Variants in UNC13C observed in about 807,000 individuals in gnomAD.
UNC13C encodes unc-13 homolog C.
In UNC13C, 174 loss-of-function variants were observed where a neutral mutation model predicts 245.4. That is an observed-to-expected ratio of 0.71 (90% CI 0.63 to 0.80). The LOEUF (loss-of-function observed/expected upper bound fraction) is 0.80, where lower values mean the gene tolerates loss of function less well. Among genes scored for constraint, UNC13C ranks in the 30% least tolerant of loss-of-function variants. UNC13C has a pLI of 0.00. For synonymous variants in UNC13C, 992 were observed against 895.1 expected, an observed-to-expected ratio of 1.11 and a Z score of -1.93; for missense variants, 2,829 against 2,602.9, an observed-to-expected ratio of 1.09 and a Z score of -1.89.
At chr15:54,063,650 C>A (rs1451321473) in intron 2 of UNC13C, among the ~76,000 whole-genome samples, 1 of 152,104 alleles carries the variant, frequency 6.6e-6, no homozygotes, top group Non-Finnish European at 1.5e-5. Context: ...AAGATTCTGT[C>A]TTGAATGAAT....
chr15:53,875,376 A>C, the UNC13C span, among the ~76,000 whole-genome samples: 1 of 152,080 alleles, frequency 6.6e-6, no homozygotes, highest in African/African-American at 2.4e-5. Flanking sequence ...GTTGTTGGGT[A>C]TGTTCTGCCT....
At chr15:53,877,952 C>A in the UNC13C span, among the ~76,000 whole-genome samples, 1 of 152,102 alleles carries the variant, frequency 6.6e-6, no homozygotes, top group East Asian at 1.9e-4. Context: ...TTGTTTGTTT[C>A]ATTTATATGT....
At chr15:54,571,009 C>A (rs1897730647) in intron 30 of UNC13C, among the ~76,000 whole-genome samples, 1 of 152,188 alleles carries the variant, frequency 6.6e-6, no homozygotes, top group Non-Finnish European at 1.5e-5. Context: ...TTGGGTTCCA[C>A]CCTTTGTATT....
At chr15:54,072,836 G>A (rs922457374) in intron 2 of UNC13C, among the ~76,000 whole-genome samples, 2 of 151,956 alleles carry the variant, frequency 1.3e-5, no homozygotes, top group Non-Finnish European at 2.9e-5. Flanking sequence ...CCTTGACGTT[G>A]CCAACAATTC....
chr15:54,137,754 T>C (rs2031810481), intron 2 of UNC13C, among the ~76,000 whole-genome samples: 1 of 152,136 alleles, frequency 6.6e-6, no homozygotes, highest in Non-Finnish European at 1.5e-5. Context: ...CAATTTTGTT[T>C]ATATTTTCAA....
Position 54,567,853 on chromosome 15 carries a change from C to A in UNC13C, c.6012C>A (p.Ser2004Arg), listed in dbSNP as rs199911407. The A allele has an allele frequency of 1.2e-5, 20 of 1,603,658 alleles. No homozygotes were observed. Among genetic ancestry groups the A allele is most frequent in the Non-Finnish European group, 1.4e-5 (17 of 1,174,266 alleles). The change falls in exon 30 of 33, where the codon AGC becomes AGA. Residue 2004 changes from serine to arginine, a missense_variant. By Grantham distance (110) the Ser-to-Arg change is moderately radical (BLOSUM62 -1). Transcript: ENST00000260323. ...NGLKKNFLEK[S>R]PDLQSLRYAL... ...TGAAAAAGAATTTCTTGGAGAAAAG[C>A]CCAGATCTTCAGTCTCTGAGATATG...
At chr15:54,188,181 C>A (rs78643728) in intron 4 of UNC13C, among the ~76,000 whole-genome samples, 4 of 151,988 alleles carry the variant, frequency 2.6e-5, no homozygotes, top group Non-Finnish European at 4.4e-5. Flanking sequence ...TGGTACATAA[C>A]GGGATTGAAT....
chr15:54,130,001 A>AATTTAT (rs2031310173), intron 2 of UNC13C, among the ~76,000 whole-genome samples: 1 of 151,222 alleles, frequency 6.6e-6, no homozygotes, highest in Non-Finnish European at 1.5e-5. Flanking sequence ...TAAGGTTATA[A>AATTTAT]CCTTTCTTCT....
chr15:54,046,570 G>A (rs1324267413), intron 2 of UNC13C, among the ~76,000 whole-genome samples: 2 of 151,244 alleles, frequency 1.3e-5, no homozygotes, highest in African/African-American at 4.9e-5. Context: ...TTTTCTAGTG[G>A]GTTTTTTCCT....
At chr15:54,434,898 C>T (rs1037110577) in intron 19 of UNC13C, among the ~76,000 whole-genome samples, 3 of 151,566 alleles carry the variant, frequency 2.0e-5, no homozygotes, top group Non-Finnish European at 3.0e-5. Flanking sequence ...GAAAAAACAA[C>T]CCCATCAAAA....
intron 19 of UNC13C, among the ~76,000 whole-genome samples, chr15:54,469,511 A>C (rs1892347219): frequency 6.6e-6 from 1 of 151,480 alleles, no homozygotes; most frequent in East Asian, 1.9e-4. Context: ...AGATACCAAA[A>C]TCTGTGCATG....
chr15:54,445,682 C>T (rs538273537), intron 19 of UNC13C, among the ~76,000 whole-genome samples: 1 of 152,206 alleles, frequency 6.6e-6, no homozygotes, highest in Admixed American at 6.5e-5. Flanking sequence ...TTTGTAGATT[C>T]TGGATATTAG....
intron 4 of UNC13C, among the ~76,000 whole-genome samples, chr15:54,212,735 G>A (rs758206621): frequency 9.9e-5 from 15 of 151,978 alleles, no homozygotes; most frequent in Admixed American, 2.0e-4. Context: ...TTTGACAGTC[G>A]CTAGCAGAGT....
intron 17 of UNC13C, among the ~76,000 whole-genome samples, chr15:54,360,210 C>T (rs1010744009): frequency 6.6e-5 from 10 of 151,944 alleles, no homozygotes; most frequent in African/African-American, 2.4e-4. Context: ...AAGACCTGTT[C>T]TGTGACCTAA....
chr15:54,600,437 C>T (rs578164173), intron 30 of UNC13C, among the ~76,000 whole-genome samples: 1 of 152,108 alleles, frequency 6.6e-6, no homozygotes, highest in Admixed American at 6.5e-5. Context: ...TATAGGGGAG[C>T]AGGCCAGATA....
At chr15:54,227,076 G>A (rs1596041355) in intron 4 of UNC13C, among the ~76,000 whole-genome samples, 1 of 152,284 alleles carries the variant, frequency 6.6e-6, no homozygotes, top group East Asian at 1.9e-4. Flanking sequence ...AATGAGGCAC[G>A]CAAACAGCTG....
Position 54,334,500 on chromosome 15 carries a change from C to T in UNC13C, c.4584+644C>T, listed in dbSNP as rs140966979. 2.5e-4 allele frequency among the ~76,000 whole-genome samples: 38 copies of T among 152,112 alleles called. No individual in the cohort carries two copies. The East Asian group carries it at 2.5e-3, about 10-fold the overall frequency. ...ATACACTCTTTGAAAGACAGTATTA[C>T]GATGCTTATTCAGAAAATTCCTAAA... is the stretch of plus-strand genomic sequence containing the variant. On this transcript the variant is annotated intron_variant, in intron 16 of 32. Coordinates refer to ENST00000260323, the MANE Select transcript of UNC13C (RefSeq NM_001080534.3).
chr15:54,245,095 T>C (rs915805663), intron 7 of UNC13C, among the ~76,000 whole-genome samples: 14 of 152,136 alleles, frequency 9.2e-5, no homozygotes, highest in Admixed American at 1.3e-4. Context: ...AATCTTAGAC[T>C]TTCCACATTA....
chr15:54,578,283 G>A (rs1001638391), intron 30 of UNC13C, among the ~76,000 whole-genome samples: 1 of 152,110 alleles, frequency 6.6e-6, no homozygotes, highest in African/African-American at 2.4e-5. Context: ...GCTCGGAATA[G>A]GTGTACTTCT....
Sources: allele counts gnomAD v4.1 joint callset (sites outside exome capture counted in the v4.1 genomes callset), GRCh38; gene constraint gnomAD v4.1.1; transcripts MANE v1.5; gene names NCBI Gene and HGNC (gene_info 2026-07-23, HGNC 2026-07-21).